Variants in PCDHA8 observed in about 807,000 individuals in gnomAD.
The protein encoded by PCDHA8 is protocadherin alpha-8.
PCDHA8 carries 53 observed loss-of-function variants against 61.8 expected under a neutral mutation model. That is an observed-to-expected ratio of 0.86 (90% confidence interval 0.69 to 1.08). The LOEUF (loss-of-function observed/expected upper bound fraction) is 1.08. PCDHA8 is among the 50% of genes least tolerant of loss of function. The probability of loss-of-function intolerance (pLI) is 0.00; values close to 1 mark genes in which losing one functional copy is unlikely to be tolerated. For synonymous variants in PCDHA8, 618 were observed against 556.6 expected, an observed-to-expected ratio of 1.11 and a Z score of -1.55; for missense variants, 1,293 against 1,245.0, an observed-to-expected ratio of 1.04 and a Z score of -0.58.
rs1484311028 is a variant in PCDHA8 at position 140,850,855 on chromosome 5, G to C, written c.2394+7140G>C. 8.1e-6 allele frequency: 13 copies of C among 1,595,270 alleles called. No individual in the cohort carries two copies. In the South Asian group the frequency reaches 1.4e-4, roughly 18 times the overall value. ...TGTGCTGGATCTACAGAGCGAACGG[G>C]AGAACCCTCTGCTTCCTCAGATTCA... On this transcript the variant is annotated intron_variant, in intron 1 of 3. Transcript: ENST00000531613.
In PCDHA8 at chr5:140,854,901, T is replaced by C. The variant is rs1371742566; in HGVS notation, c.2394+11186T>C. On this transcript the variant is annotated intron_variant, in intron 1 of 3. Transcript: ENST00000531613. ...CTTTTGGGCATTTGAAAAGCGTAAA[T>C]ATAACAGGGTTGAAAGCATTTGCCT... 1.1e-4 allele frequency among the ~76,000 whole-genome samples: 17 copies of C among 149,996 alleles called. No individual in the cohort carries two copies. In the Admixed American group the frequency reaches 1.1e-3, roughly 10 times the overall value.
intron 3 of PCDHA8, among the ~76,000 whole-genome samples, chr5:140,991,755 C>T (rs2153897425): frequency 6.6e-6 from 1 of 152,268 alleles, no homozygotes; most frequent in South Asian, 2.1e-4. Context: ...TTCTATCATG[C>T]TCTTCAAAAT....
intron 1 of PCDHA8, among the ~76,000 whole-genome samples, chr5:140,898,151 CT>C (rs2066567806): frequency 6.6e-6 from 1 of 152,158 alleles, no homozygotes; most frequent in Admixed American, 6.5e-5. Context: ...CCTGTTCACG[CT>C]GATGGTGGTT....
At chr5:140,926,573 A>C in intron 1 of PCDHA8, 2 of 265,974 alleles carry the variant, frequency 7.5e-6, no homozygotes. Context: ...TACTGGAGAC[A>C]GCACCTCTCG....
intron 1 of PCDHA8, chr5:140,857,988 T>A (rs370495338): frequency 6.3e-7 from 1 of 1,596,894 alleles, no homozygotes; most frequent in South Asian, 1.1e-5. Context: ...CAGCGCCTAC[T>A]GGTGCTGGTG....
At chr5:140,886,123 G>A (rs868933605) in intron 1 of PCDHA8, among the ~76,000 whole-genome samples, 53 of 152,236 alleles carry the variant, frequency 3.5e-4, no homozygotes, top group African/African-American at 1.2e-3. Flanking sequence ...ACATAGTTCC[G>A]TAACAACCAG....
At chr5:140,966,973 G>T in intron 1 of PCDHA8, 1 of 1,603,054 alleles carries the variant, frequency 6.2e-7, no homozygotes. Flanking sequence ...GGCTTGAGCT[G>T]CGGCGCTTGG....
chr5:140,922,498 G>C (rs2080865421), intron 1 of PCDHA8, among the ~76,000 whole-genome samples: 1 of 152,230 alleles, frequency 6.6e-6, no homozygotes, highest in African/African-American at 2.4e-5. Context: ...CTGAGAGTGA[G>C]CAGATGCACC....
chr5:140,979,102 C>T (rs1263848262), intron 2 of PCDHA8, 95 bp downstream of exon 2: 1 of 1,541,684 alleles, frequency 6.5e-7, no homozygotes, highest in Non-Finnish European at 8.7e-7. Flanking sequence ...GCTGTCAAAA[C>T]TAAAAAGCTT....
chr5:140,903,020 A>G lies in PCDHA8; in HGVS notation c.2394+59305A>G, dbSNP rs375776888. ...AATTGTGAATTGTGCTGCTATCAAC[A>G]TGGCTTGCACATGTGTCTTTTTCAT... On this transcript the variant is annotated intron_variant, in intron 1 of 3. Coordinates refer to ENST00000531613, the MANE Select transcript of PCDHA8 (RefSeq NM_018911.3). Among the ~76,000 whole-genome samples the G allele has an allele frequency of 2.4e-4, 36 of 152,312 alleles. No homozygotes were observed. In the East Asian group the frequency reaches 6.4e-3, roughly 27 times the overall value.
At chr5:140,936,959 A>C (rs2091230080) in intron 1 of PCDHA8, among the ~76,000 whole-genome samples, 1 of 152,174 alleles carries the variant, frequency 6.6e-6, no homozygotes, top group Non-Finnish European at 1.5e-5. Flanking sequence ...TCTTTATTGA[A>C]TCTATAAAAA....
rs942533344 is a variant in PCDHA8, at chr5:140,870,223, T to A, written c.2394+26508T>A. The A allele has an allele frequency of 3.4e-5, 55 of 1,614,052 alleles. No homozygotes were observed. The highest frequency in any genetic ancestry group is 4.5e-5 in the Non-Finnish European group (53 of 1,180,044). On this transcript the variant is annotated intron_variant, in intron 1 of 3. Coordinates refer to ENST00000531613, the MANE Select transcript of PCDHA8 (RefSeq NM_018911.3). ...CACGGTCATTGCCCTGATCAGCGTG[T>A]CTGACCGTGACTCAGGTGTCAACGG...
At chr5:140,919,841 GA>G (rs1318412572) in intron 1 of PCDHA8, among the ~76,000 whole-genome samples, 1 of 152,146 alleles carries the variant, frequency 6.6e-6, no homozygotes, top group Non-Finnish European at 1.5e-5. Context: ...GTAACCTTTG[GA>G]ACCTGTGACC....
chr5:140,883,377 C>T lies in PCDHA8; in HGVS notation c.2394+39662C>T, dbSNP rs1436655611. On this transcript the variant is annotated intron_variant, in intron 1 of 3. Coordinates refer to ENST00000531613, the MANE Select transcript of PCDHA8 (RefSeq NM_018911.3). ...GACACTCAGCCTAGCGCCATTATTG[C>T]CCTAATCAGTGTGTCCGATCGTGAC... The T allele has an allele frequency of 1.5e-5, 25 of 1,614,054 alleles. No individual in the cohort carries two copies. Among genetic ancestry groups the T allele is most frequent in the Non-Finnish European group, 2.0e-5 (24 of 1,180,036 alleles).
At chr5:140,918,967 C>T (rs1461992761) in intron 1 of PCDHA8, among the ~76,000 whole-genome samples, 1 of 152,164 alleles carries the variant, frequency 6.6e-6, no homozygotes, top group Non-Finnish European at 1.5e-5. Context: ...AGACAGATAT[C>T]GTTTAGGTTA....
intron 1 of PCDHA8, chr5:140,966,920 C>A: frequency 6.2e-7 from 1 of 1,602,672 alleles, no homozygotes; most frequent in South Asian, 1.1e-5. Flanking sequence ...GCCAGAGGAG[C>A]AGGCACCCGG....
chr5:140,850,739 G>A, intron 1 of PCDHA8: 2 of 1,598,040 alleles, frequency 1.3e-6, no homozygotes, highest in Non-Finnish European at 1.7e-6. Context: ...TGGGGAGTTG[G>A]TCGTACTCGC....
intron 1 of PCDHA8, chr5:140,848,731 T>C: frequency 6.3e-7 from 1 of 1,592,772 alleles, no homozygotes; most frequent in Non-Finnish European, 8.6e-7. Context: ...GAGGTAAATC[T>C]GCAGAATGGC....
chr5:140,954,505 A>G (rs1011072156), intron 1 of PCDHA8, among the ~76,000 whole-genome samples: 2 of 152,082 alleles, frequency 1.3e-5, no homozygotes, highest in Non-Finnish European at 2.9e-5. Flanking sequence ...TTTGATTTGC[A>G]TTTACCTAAT....
Sources: gnomAD v4.1 joint callset for allele counts (sites outside exome capture counted in the v4.1 genomes callset) on GRCh38, gnomAD v4.1.1 for gene constraint, MANE v1.5 for transcripts, NCBI Gene and HGNC (gene_info 2026-07-23, HGNC 2026-07-21) for gene names.